The following USH2A variants were observed in gnomAD, a reference collection of about 807,000 sequenced individuals.
USH2A encodes usherin, also known as Usher syndrome 2A (autosomal recessive, mild).
In USH2A, 443 loss-of-function variants were observed where a neutral mutation model predicts 538.9. The ratio of observed to expected loss-of-function variants is 0.82; its 90% CI spans 0.76 to 0.89. USH2A has a LOEUF of 0.89. USH2A is among the 40% of genes least tolerant of loss of function. USH2A has a pLI of 0.00. For missense variants in USH2A, 6,633 were observed against 6,324.8 expected (o/e 1.05, Z -1.65); for synonymous variants, 2,413 against 2,273.5 (o/e 1.06, Z -1.75).
At chr1:216,299,035 G>A (rs755244929) in intron 9 of USH2A, among the ~76,000 whole-genome samples, 15 of 152,046 alleles carry the variant, frequency 9.9e-5, no homozygotes, top group Non-Finnish European at 2.9e-5. Flanking sequence ...GTAGAGACGG[G>A]GTTTCACCAT....
chr1:216,065,348 A>T (rs1355735924), intron 30 of USH2A, among the ~76,000 whole-genome samples: 1 of 152,240 alleles, frequency 6.6e-6, no homozygotes. Context: ...AATATGGTAT[A>T]TCTAACATAA....
intron 22 of USH2A, 105 bp downstream of exon 22, chr1:216,096,978 T>C: frequency 8.3e-7 from 1 of 1,212,028 alleles, no homozygotes. Context: ...GTACTTACCT[T>C]ACAAGGTTTG....
chr1:215,779,868 A>G lies in USH2A; in HGVS notation c.10914T>C (p.Thr3638=), dbSNP rs1240569988. 1.6e-5 allele frequency: 26 copies of G among 1,613,750 alleles called. No individual in the cohort carries two copies. The highest frequency in any genetic ancestry group is 2.1e-5 in the Non-Finnish European group (25 of 1,179,990). ...VGKGLIHTDT[T]DRRQHTVTGL... ...CTGTGACCGTATGCTGTCTCCTGTC[A>G]GTGGTGTCAGTGTGGATGAGACCTT... The change falls in exon 55 of 72, where the codon ACT becomes ACC. Residue 3638 remains threonine (T), a synonymous_variant. Coordinates refer to ENST00000307340, the MANE Select transcript of USH2A (RefSeq NM_206933.4).
At chr1:216,054,748 G>C (rs1035155734) in intron 30 of USH2A, among the ~76,000 whole-genome samples, 1 of 151,688 alleles carries the variant, frequency 6.6e-6, no homozygotes, top group Admixed American at 6.6e-5. Context: ...ATCTGTGGGC[G>C]GAAAGATTTC....
chr1:215,965,477 C>T lies in USH2A; in HGVS notation c.6960G>A (p.Val2320=), dbSNP rs1667319424. 6.2e-7 allele frequency: 1 copy of T among 1,613,412 alleles called. No individual in the cohort carries two copies. Among genetic ancestry groups the T allele is most frequent in the African/African-American group, 1.3e-5 (1 of 74,848 alleles). The change falls in exon 37 of 72, where the codon GTG becomes GTA. Residue 2320 remains valine, a splice_region_variant and synonymous_variant. Transcript: ENST00000307340. ...TAKGCALGPL[V]ENRTLEAPPE... ...GAGGAGCTTCTAGAGTTCGATTTTC[C>T]ACCTGTGAGTATAAAAAGATTTATT...
At chr1:215,830,266 T>G (rs12097404) in intron 47 of USH2A, among the ~76,000 whole-genome samples, 1 of 152,068 alleles carries the variant, frequency 6.6e-6, no homozygotes, top group African/African-American at 2.4e-5. Context: ...AAAACCCCCA[T>G]TTTTGTTTTG....
In USH2A at chr1:215,648,712, T is replaced by C. The variant is rs370127889; in HGVS notation, c.14398A>G (p.Asn4800Asp). ...QTLHGLQAFT[N>D]YSIGVEACTC... ...CAGGCCTCTACTCCAATAGAGTAGTTAGTGAAGGCTTGAAGGCCATGGAGA... is the reference window on the plus strand; with the variant it reads ...CAGGCCTCTACTCCAATAGAGTAGTCAGTGAAGGCTTGAAGGCCATGGAGA... Residue 4800 changes from asparagine (N) to aspartate (D), a missense_variant, in exon 66 of 72, where the codon AAC becomes GAC. By Grantham distance (23) the Asn-to-Asp change is conservative. Transcript: ENST00000307340. 4.3e-5 allele frequency: 69 copies of C among 1,614,056 alleles called. No homozygotes were observed. Among genetic ancestry groups the C allele is most frequent in the Non-Finnish European group, 4.7e-5 (55 of 1,180,042 alleles).
chr1:215,858,211 T>C (rs1311174797), intron 44 of USH2A, among the ~76,000 whole-genome samples: 1 of 152,092 alleles, frequency 6.6e-6, no homozygotes, highest in African/African-American at 2.4e-5. Flanking sequence ...TTATGTATGA[T>C]GCATATTTTG....
At chr1:216,200,198 T>G in intron 16 of USH2A, 77 bp from the exon 17 acceptor site, 1 of 1,421,566 alleles carries the variant, frequency 7.0e-7, no homozygotes, top group Non-Finnish European at 9.6e-7. Flanking sequence ...TGCTTTCCTA[T>G]CATATTATTT....
chr1:215,831,041 A>G (rs1558117607), intron 47 of USH2A, among the ~76,000 whole-genome samples: 1 of 152,200 alleles, frequency 6.6e-6, no homozygotes, highest in East Asian at 1.9e-4. Context: ...GAATTACACT[A>G]AGCAATTGAA....
intron 14 of USH2A, among the ~76,000 whole-genome samples, chr1:216,228,359 C>A (rs1205380659): frequency 1.3e-5 from 2 of 151,940 alleles, no homozygotes; most frequent in African/African-American, 4.8e-5. Flanking sequence ...AAAGGAAAAC[C>A]TGGAACTGGA....
intron 61 of USH2A, among the ~76,000 whole-genome samples, chr1:215,721,440 C>T (rs1659657907): frequency 1.3e-5 from 2 of 152,086 alleles, no homozygotes; most frequent in Non-Finnish European, 2.9e-5. Flanking sequence ...ATCCTTGCCA[C>T]TGAAAAGTGA....
At chr1:215,823,390 G>A (rs1663067874) in intron 47 of USH2A, among the ~76,000 whole-genome samples, 1 of 151,962 alleles carries the variant, frequency 6.6e-6, no homozygotes. Context: ...TATGGTTTCT[G>A]TTGAGTAGAC....
intron 21 of USH2A, among the ~76,000 whole-genome samples, chr1:216,116,938 C>T (rs760795682): frequency 4.6e-5 from 7 of 152,126 alleles, no homozygotes; most frequent in Non-Finnish European, 8.8e-5. Context: ...TCACATCATA[C>T]TCCACCTCAT....
At chr1:215,779,033 C>T (rs1242155547) in intron 55 of USH2A, among the ~76,000 whole-genome samples, 1 of 152,176 alleles carries the variant, frequency 6.6e-6, no homozygotes, top group African/African-American at 2.4e-5. Context: ...AGGTACAACA[C>T]TGAACAAGTA....
chr1:216,005,446 T>C (rs997500324), intron 32 of USH2A, among the ~76,000 whole-genome samples: 1 of 152,212 alleles, frequency 6.6e-6, no homozygotes, highest in Non-Finnish European at 1.5e-5. Context: ...CAGATAAATA[T>C]TTTTTATCAT....
chr1:216,348,622 A>G (rs2038222005), intron 4 of USH2A, among the ~76,000 whole-genome samples: 1 of 152,106 alleles, frequency 6.6e-6, no homozygotes, highest in Admixed American at 6.6e-5. Flanking sequence ...ATTTTTTAGC[A>G]TTTTATACAA....
intron 3 of USH2A, among the ~76,000 whole-genome samples, chr1:216,370,659 C>T (rs1401819585): frequency 3.3e-5 from 2 of 61,448 alleles, no homozygotes; most frequent in Non-Finnish European, 6.2e-5. Flanking sequence ...GCTTGGGGAA[C>T]AGAGCCAGAC....
At chr1:215,971,089 A>C (rs1388581405) in intron 35 of USH2A, among the ~76,000 whole-genome samples, 1 of 152,184 alleles carries the variant, frequency 6.6e-6, no homozygotes, top group Non-Finnish European at 1.5e-5. Flanking sequence ...AGTGAAGCAT[A>C]CTTATAATTT....
Sources: gnomAD v4.1 joint callset for allele counts (sites outside exome capture counted in the v4.1 genomes callset) on GRCh38, gnomAD v4.1.1 for gene constraint, MANE v1.5 for transcripts, NCBI Gene and HGNC (gene_info 2026-07-23, HGNC 2026-07-21) for gene names.